The following PITPNC1 variants were observed in gnomAD, a reference collection of about 807,000 sequenced individuals.
PITPNC1 encodes phosphatidylinositol transfer protein cytoplasmic 1, also known as cytoplasmic phosphatidylinositol transfer protein 1.
PITPNC1 carries 18 observed loss-of-function variants against 44.7 expected under a neutral mutation model. The observed-to-expected ratio is 0.40, with a 90% CI of 0.28 to 0.60. The LOEUF is 0.60. Ranked by LOEUF, PITPNC1 falls within the 20% of genes least tolerant of loss-of-function variation. PITPNC1 has a pLI of 0.39. For missense variants in PITPNC1, 290 were observed against 418.4 expected (o/e 0.69, Z 2.68); for synonymous variants, 141 against 149.6 (o/e 0.94, Z 0.42).
intron 2 of PITPNC1, among the ~76,000 whole-genome samples, chr17:67,539,141 C>A (rs542819922): frequency 6.6e-6 from 1 of 152,066 alleles, no homozygotes; most frequent in East Asian, 1.9e-4. Flanking sequence ...ATCAGATAGA[C>A]AAAAATTTTA....
chr17:67,603,879 A>C (rs2570036), intron 5 of PITPNC1, among the ~76,000 whole-genome samples: 2 of 151,580 alleles, frequency 1.3e-5, no homozygotes, highest in African/African-American at 4.9e-5. Context: ...GCAGTAAGCC[A>C]AGATCCAAGA....
intron 1 of PITPNC1, among the ~76,000 whole-genome samples, chr17:67,496,870 C>T (rs550849775): frequency 2.0e-5 from 3 of 151,990 alleles, no homozygotes; most frequent in Non-Finnish European, 2.9e-5. Flanking sequence ...GCCTTCTTTC[C>T]GCCCTCCCAA....
chr17:67,532,174 G>A (rs932129764), intron 1 of PITPNC1, among the ~76,000 whole-genome samples: 1 of 152,220 alleles, frequency 6.6e-6, no homozygotes, highest in African/African-American at 2.4e-5. Flanking sequence ...GGTGGTCCTC[G>A]GAGAGGAGCG....
At chr17:67,549,946 C>T (rs2040736605) in intron 2 of PITPNC1, among the ~76,000 whole-genome samples, 1 of 152,154 alleles carries the variant, frequency 6.6e-6, no homozygotes, top group South Asian at 2.1e-4. Flanking sequence ...CTACCATTGG[C>T]ATATTGCGCT....
chr17:67,558,207 A>G (rs572688217), intron 4 of PITPNC1, among the ~76,000 whole-genome samples: 56 of 152,056 alleles, frequency 3.7e-4, no homozygotes, highest in Non-Finnish European at 6.2e-4. Flanking sequence ...CATCACTGTG[A>G]GTGACTGCGT....
intron 8 of PITPNC1, among the ~76,000 whole-genome samples, chr17:67,684,909 A>G (rs2042784709): frequency 6.6e-6 from 1 of 152,268 alleles, no homozygotes; most frequent in Admixed American, 6.5e-5. Flanking sequence ...CTAATTCAAG[A>G]TGAAGTATGA....
At chr17:67,673,494 TGTCCA>T (rs1348959629) in intron 7 of PITPNC1, among the ~76,000 whole-genome samples, 1 of 152,212 alleles carries the variant, frequency 6.6e-6, no homozygotes, top group Non-Finnish European at 1.5e-5. Context: ...ATCCTTTTTG[TGTCCA>T]GTCAAGCTTG....
chr17:67,408,403 G>A (rs1199329507), intron 1 of PITPNC1, among the ~76,000 whole-genome samples: 1 of 147,558 alleles, frequency 6.8e-6, no homozygotes, highest in Non-Finnish European at 1.5e-5. Flanking sequence ...GGTGGTGCAT[G>A]CCTGTAATCC....
intron 1 of PITPNC1, among the ~76,000 whole-genome samples, chr17:67,450,865 C>A (rs2039165296): frequency 6.6e-6 from 1 of 152,184 alleles, no homozygotes; most frequent in African/African-American, 2.4e-5. Context: ...TCCCCAATGT[C>A]CCCTTCCCCC....
chr17:67,595,489 A>G (rs1164788870), intron 5 of PITPNC1, among the ~76,000 whole-genome samples: 1 of 151,696 alleles, frequency 6.6e-6, no homozygotes, highest in Non-Finnish European at 1.5e-5. Context: ...AGGGGATAAT[A>G]GGAGCTGAGC....
At chr17:67,586,084 A>G (rs1428547718) in intron 5 of PITPNC1, among the ~76,000 whole-genome samples, 1 of 152,148 alleles carries the variant, frequency 6.6e-6, no homozygotes, top group African/African-American at 2.4e-5. Context: ...TTGGAAAACC[A>G]CTGGCTAGAG....
At chr17:67,564,117 G>C (rs1293127056) in intron 4 of PITPNC1, among the ~76,000 whole-genome samples, 1 of 151,876 alleles carries the variant, frequency 6.6e-6, no homozygotes, top group Non-Finnish European at 1.5e-5. Context: ...AGATTAGATA[G>C]GTAGACAGAT....
At chr17:67,488,301 C>T (rs2144039685) in intron 1 of PITPNC1, among the ~76,000 whole-genome samples, 1 of 152,274 alleles carries the variant, frequency 6.6e-6, no homozygotes, top group East Asian at 1.9e-4. Flanking sequence ...CGGAATTCAC[C>T]TCGTGTTGCT....
At chr17:67,442,204 C>CATGT (rs1178533056) in intron 1 of PITPNC1, among the ~76,000 whole-genome samples, 4 of 54,218 alleles carry the variant, frequency 7.4e-5, no homozygotes, top group Admixed American at 3.3e-4. Flanking sequence ...GGAAAATAAG[C>CATGT]ATATATATAT....
At chr17:67,385,816 C>T (rs969775398) in intron 1 of PITPNC1, among the ~76,000 whole-genome samples, 2 of 151,940 alleles carry the variant, frequency 1.3e-5, no homozygotes, top group African/African-American at 4.8e-5. Context: ...AACCTTTCAA[C>T]ACTAATGGAA....
Position 67,464,695 on chromosome 17 carries a change from T to A in PITPNC1, c.49-68107T>A, listed in dbSNP as rs146806775. Among the ~76,000 whole-genome samples, 468 of 152,078 alleles carry A rather than the reference T, an allele frequency of 3.1e-3. 4 individuals are homozygous for A. Among genetic ancestry groups the A allele is most frequent in the African/African-American group, 0.01 (432 of 41,480 alleles). On this transcript the variant is annotated intron_variant, in intron 1 of 8. Coordinates refer to ENST00000581322, the MANE Select transcript of PITPNC1 (RefSeq NM_012417.4). ...CCAAAAAAAGCACAGCGTTATGAAT[T>A]TAATAAAGTTCGTAGGGTGTTTTGG...
At chr17:67,404,783 CTGGTTTA>C (rs2038370886) in intron 1 of PITPNC1, among the ~76,000 whole-genome samples, 1 of 152,182 alleles carries the variant, frequency 6.6e-6, no homozygotes, top group Non-Finnish European at 1.5e-5. Flanking sequence ...TATGGGGAAG[CTGGTTTA>C]TGGCTTTCTG....
chr17:67,693,883 C>T lies in PITPNC1; in HGVS notation c.*995C>T, dbSNP rs575438380. 1.3e-5 allele frequency: 2 copies of T among 152,196 alleles called. No individual in the cohort carries two copies. Among genetic ancestry groups the T allele is most frequent in the Non-Finnish European group, 2.9e-5 (2 of 68,014 alleles). The allele number at this position is 152,196 out of a possible 1,614,324, so 9.4% of individuals were successfully genotyped here. The stretch of plus-strand genomic sequence containing the variant: ...CCCTTCCTTGTTTTACTCTTAGTAA[C>T]ATCCAGAATTCCCTGGAACAGATTG... On this transcript the variant is annotated 3_prime_UTR_variant, in exon 9 of 9. Transcript: ENST00000581322.
intron 1 of PITPNC1, among the ~76,000 whole-genome samples, chr17:67,473,032 T>C (rs1352201936): frequency 6.7e-6 from 1 of 149,754 alleles, no homozygotes; most frequent in Non-Finnish European, 1.5e-5. Flanking sequence ...CGCACCACCA[T>C]GCCCAACTAA....
Sources: gnomAD v4.1 joint callset for allele counts (sites outside exome capture counted in the v4.1 genomes callset) on GRCh38, gnomAD v4.1.1 for gene constraint, MANE v1.5 for transcripts, NCBI Gene and HGNC (gene_info 2026-07-23, HGNC 2026-07-21) for gene names.